Variants in ZNF280C observed in about 807,000 individuals in gnomAD.
ZNF280C encodes suppressor of hairy wing homolog 3.
ZNF280C carries 14 observed loss-of-function variants against 53.6 expected under a neutral mutation model. That is an observed-to-expected ratio of 0.26 (90% confidence interval 0.17 to 0.41). The LOEUF (loss-of-function observed/expected upper bound fraction) is 0.41, where lower values mean the gene tolerates loss of function less well. Among genes scored for constraint, ZNF280C ranks in the 10% least tolerant of loss-of-function variants. The probability of loss-of-function intolerance (pLI) is 1.00; values close to 1 mark genes in which losing one functional copy is unlikely to be tolerated. For missense variants in ZNF280C, 416 were observed against 547.1 expected (o/e 0.76, Z 2.39); for synonymous variants, 203 against 181.1 (o/e 1.12, Z -0.97).
intron 16 of ZNF280C, among the ~76,000 whole-genome samples, chrX:130,206,357 T>C (rs866836041): frequency 1.0e-4 from 11 of 106,949 alleles, no homozygotes; most frequent in African/African-American, 3.1e-4. Context: ...GATTGACTTC[T>C]TTAGTTTTTT....
At chrX:130,251,259 G>A (rs2032504032) in intron 2 of ZNF280C, among the ~76,000 whole-genome samples, 1 of 73,014 alleles carries the variant, frequency 1.4e-5, no homozygotes, top group Non-Finnish European at 2.4e-5. Context: ...TTTAGTCTAG[G>A]CAAACGCAGT....
intron 15 of ZNF280C, among the ~76,000 whole-genome samples, chrX:130,213,552 T>G (rs1441555911): frequency 8.9e-6 from 1 of 111,852 alleles, no homozygotes; most frequent in Non-Finnish European, 1.9e-5. Flanking sequence ...TGCCTGAAGA[T>G]ATAAAGGATT....
intron 16 of ZNF280C, among the ~76,000 whole-genome samples, chrX:130,209,227 T>G (rs2032014804): frequency 8.9e-6 from 1 of 111,881 alleles, no homozygotes; most frequent in Non-Finnish European, 1.9e-5. Context: ...AAAAAACAGA[T>G]GTTTAGTTGA....
Position 130,208,758 on chromosome X carries a change from C to T in ZNF280C, c.2042+895G>A, listed in dbSNP as rs757657112. Among the ~76,000 whole-genome samples, 118 of 106,845 alleles carry T rather than the reference C, an allele frequency of 1.1e-3. 1 individual carries two copies. Among genetic ancestry groups the T allele is most frequent in the African/African-American group, 4.0e-3 (115 of 28,973 alleles). The allele number at this position is 106,845 out of a possible 115,157, so 92.8% of individuals were successfully genotyped here. ...TTGCACAGGCTGGAGTTAAGTGGTG[C>T]AATCTCGGCTCACTGCAACCTCTGC... is the stretch of plus-strand genomic sequence containing the variant. On this transcript the variant is annotated intron_variant, in intron 16 of 18. Transcript: ENST00000370978.
intron 2 of ZNF280C, among the ~76,000 whole-genome samples, chrX:130,251,716 G>A (rs907762306): frequency 2.7e-5 from 3 of 110,235 alleles, no homozygotes; most frequent in Non-Finnish European, 3.8e-5. Context: ...TCTGGAACCC[G>A]GAAGGGGAAG....
chrX:130,236,363 T>C (rs772334982), intron 7 of ZNF280C, 43 bp from the exon 8 acceptor site: 1 of 1,139,752 alleles, frequency 8.8e-7, no homozygotes, highest in East Asian at 3.0e-5. Context: ...TCCATCTTTT[T>C]AAAACCTTAA....
rs779537738 is a variant in ZNF280C at position 130,258,708 on chromosome X, G to A, written c.31+1711C>T. ...TATATTCTGAATACTTGAAAATACC[G>A]CACTCATTGTGTCCTTTGAAGTCCT... On this transcript the variant is annotated intron_variant, in intron 2 of 18. Transcript: ENST00000370978. 1.3e-4 allele frequency among the ~76,000 whole-genome samples: 15 copies of A among 111,790 alleles called. No individual in the cohort carries two copies. In the South Asian group the frequency reaches 1.8e-3, roughly 14 times the overall value.
rs769074251 is a variant in ZNF280C, at chrX:130,236,338, C to A, written c.665-18G>T. The A allele has an allele frequency of 8.6e-7, 1 of 1,160,305 alleles. No individual in the cohort carries two copies. The highest frequency in any genetic ancestry group is 1.2e-6 in the Non-Finnish European group (1 of 860,169). ...ATTTGTACCTACAATAAATTAAGAA[C>A]TTTTAAGACTCAAATCCATCTTTTT... On this transcript the variant is annotated intron_variant, in intron 7 of 18. Coordinates refer to ENST00000370978, the MANE Select transcript of ZNF280C (RefSeq NM_017666.5).
chrX:130,204,657 C>G lies in ZNF280C; in HGVS notation c.*320G>C, dbSNP rs535248895. On this transcript the variant is annotated 3_prime_UTR_variant, in exon 19 of 19. Coordinates refer to ENST00000370978, the MANE Select transcript of ZNF280C (RefSeq NM_017666.5). ...AAATTAAGAAAGCAGACAAAACAGA[C>G]AGAAAAAGATGAACAGTCATATTAT... The G allele has an allele frequency of 1.9e-5, 4 of 211,711 alleles. No homozygotes were observed. Among genetic ancestry groups the G allele is most frequent in the African/African-American group, 5.8e-5 (2 of 34,326 alleles). The allele number at this position is 211,711 out of a possible 1,213,427, so 17.4% of individuals were successfully genotyped here.
At chrX:130,220,617 T>C (rs2032153270) in intron 12 of ZNF280C, 137 bp from the exon 13 acceptor site, 1 of 568,100 alleles carries the variant, frequency 1.8e-6, no homozygotes, top group Non-Finnish European at 2.6e-6. Flanking sequence ...TTCAAAGTGA[T>C]CTATTATTTA....
chrX:130,215,926 G>A lies in ZNF280C; in HGVS notation c.1703C>T (p.Thr568Ile), dbSNP rs1024915803. The A allele has an allele frequency of 2.5e-6, 3 of 1,211,237 alleles. No homozygotes were observed. The highest frequency in any genetic ancestry group is 2.2e-5 in the Admixed American group (1 of 45,977). ...SRSKTSKLHA[T>I]TSTASKVNTS... is the part of the protein sequence containing the mutation. ...ATTAACTTTACTTGCAGTGGATGTA[G>A]TTGCATGAAGCTTACTTGTCTTAGA... The change falls in exon 14 of 19, where the codon ACT (threonine) becomes ATT (isoleucine). Residue 568 changes from threonine to isoleucine, a missense_variant. This residue lies in a region of ZNF280C where 151 missense variants were observed against 176.9 expected (regional missense o/e 0.85). Transcript: ENST00000370978.
chrX:130,236,446 T>A (rs762850250), intron 7 of ZNF280C, 23 bp downstream of exon 7: 1 of 1,164,302 alleles, frequency 8.6e-7, no homozygotes, highest in South Asian at 2.0e-5. Context: ...TATTTTTTTT[T>A]ACATGTCAGA....
intron 1 of ZNF280C, among the ~76,000 whole-genome samples, chrX:130,263,040 T>C (rs1345410034): frequency 1.8e-5 from 2 of 112,336 alleles, no homozygotes; most frequent in Non-Finnish European, 3.8e-5. Flanking sequence ...CTAGGATGGC[T>C]AGAATTAAAA....
chrX:130,207,113 C>T (rs190556177), intron 16 of ZNF280C, among the ~76,000 whole-genome samples: 2 of 111,482 alleles, frequency 1.8e-5, no homozygotes, highest in Admixed American at 1.9e-4. Flanking sequence ...ACCCCACCAC[C>T]TCAGCCCAGG....
intron 15 of ZNF280C, among the ~76,000 whole-genome samples, chrX:130,214,508 AAC>A (rs2032078406): frequency 9.0e-6 from 1 of 111,467 alleles, no homozygotes; most frequent in African/African-American, 3.3e-5. Flanking sequence ...TGAAGAGGAT[AAC>A]ACTCAGGAAA....
chrX:130,225,170 T>C lies in ZNF280C; in HGVS notation c.1395+1589A>G, dbSNP rs2032207667. On this transcript the variant is annotated intron_variant, in intron 12 of 18. Transcript: ENST00000370978. ...CTTTCTTACCTTTCTAAGCATGTTATCACTCCCTTCAAATCTACATCTATA... is the reference window on the plus strand; with the variant it reads ...CTTTCTTACCTTTCTAAGCATGTTACCACTCCCTTCAAATCTACATCTATA... Among the ~76,000 whole-genome samples, 3 of 111,306 alleles carry C rather than the reference T, an allele frequency of 2.7e-5. No individual in the cohort carries two copies. In the Admixed American group the frequency reaches 2.9e-4, roughly 11 times the overall value.
intron 2 of ZNF280C, among the ~76,000 whole-genome samples, chrX:130,255,172 G>A (rs1214036569): frequency 1.2e-5 from 1 of 85,665 alleles, no homozygotes; most frequent in Non-Finnish European, 2.2e-5. Flanking sequence ...ACGGAGTCTC[G>A]CTCTGTCACC....
At chrX:130,237,375 G>A (rs1314107442) in intron 6 of ZNF280C, among the ~76,000 whole-genome samples, 2 of 111,339 alleles carry the variant, frequency 1.8e-5, no homozygotes, top group East Asian at 5.6e-4. Context: ...AAGAAACTCT[G>A]CTTTTATGTT....
intron 2 of ZNF280C, among the ~76,000 whole-genome samples, chrX:130,253,510 A>T (rs141427158): frequency 4.0e-3 from 448 of 112,322 alleles, no homozygotes; most frequent in African/African-American, 0.013. Flanking sequence ...CTGCCTTCAA[A>T]TGGTACAGGG....
Sources: gnomAD v4.1 joint callset for allele counts (sites outside exome capture counted in the v4.1 genomes callset) on GRCh38, gnomAD v4.1.1 for gene constraint, gnomAD v4.1.1 regional missense constraint, MANE v1.5 for transcripts, NCBI Gene and HGNC (gene_info 2026-07-23, HGNC 2026-07-21) for gene names.